The following GATD1 variants were observed in gnomAD, a reference collection of about 807,000 sequenced individuals.
GATD1 encodes the protein glutamine amidotransferase class 1 domain containing 1.
In GATD1, 23 loss-of-function variants were observed where a neutral mutation model predicts 25.9. That is an observed-to-expected ratio of 0.89 (90% CI 0.64 to 1.26). The LOEUF (loss-of-function observed/expected upper bound fraction) is 1.26, where lower values mean the gene tolerates loss of function less well. Among genes scored for constraint, GATD1 ranks in the 50% most tolerant of loss-of-function variants. The pLI is 0.00. For missense variants in GATD1, 347 were observed against 312.5 expected, an observed-to-expected ratio of 1.11 and a Z score of -0.83; for synonymous variants, 177 against 134.6, an observed-to-expected ratio of 1.31 and a Z score of -2.18.
At chr11:773,666 T>G (rs1863678579) in intron 3 of GATD1, 37 bp from the exon 4 acceptor site, 2 of 1,497,756 alleles carry the variant, frequency 1.3e-6, no homozygotes, top group Non-Finnish European at 1.8e-6. Flanking sequence ...CAGCCACATG[T>G]CAAAGTGAGA....
In GATD1 at chr11:770,734, T is replaced by G. The variant is rs956186662; in HGVS notation, c.*163A>C. On this transcript the variant is annotated 3_prime_UTR_variant, in exon 8 of 8. Coordinates refer to ENST00000319863, the MANE Select transcript of GATD1 (RefSeq NM_182612.4). ...ACCCTCCAGGAGAGCCGACACCCCC[T>G]CAGAGCTGATTCCAGGAGGCCTCCA... The G allele has an allele frequency of 6.7e-7, 1 of 1,485,682 alleles. No individual in the cohort carries two copies. The highest frequency in any genetic ancestry group is 8.9e-7 in the Non-Finnish European group (1 of 1,124,678). 92.0% of individuals were successfully genotyped at this position (1,485,682 alleles called of 1,614,324 possible).
Position 770,698 on chromosome 11 carries a change from T to C in GATD1, c.*199A>G, listed in dbSNP as rs1055949371. 4 of 1,434,372 alleles carry C rather than the reference T, an allele frequency of 2.8e-6. No individual in the cohort carries two copies. Among genetic ancestry groups the C allele is most frequent in the Admixed American group, 2.8e-5 (1 of 35,504 alleles). The allele number at this position is 1,434,372 out of a possible 1,614,324, so 88.9% of individuals were successfully genotyped here. A position where few individuals can be genotyped will look rare whatever the true frequency, so the allele number is the denominator to read the frequency against. ...TCCTACCAGAGAACATGCAGGAGGA[T>C]GGGGGTTTGGACCCTCCAGGAGAGC... On this transcript the variant is annotated 3_prime_UTR_variant, in exon 8 of 8. Coordinates refer to ENST00000319863, the MANE Select transcript of GATD1 (RefSeq NM_182612.4).
intron 2 of GATD1, among the ~76,000 whole-genome samples, chr11:774,495 C>G (rs559077319): frequency 6.6e-6 from 1 of 152,368 alleles, no homozygotes; most frequent in South Asian, 2.1e-4. Flanking sequence ...GCGCCTTGGT[C>G]TCCTCCTCAC....
rs1863236431 is a variant in GATD1, at chr11:769,328, T to C, written c.*1569A>G. 1.0e-6 allele frequency: 1 copy of C among 979,240 alleles called. No homozygotes were observed. Among genetic ancestry groups the C allele is most frequent in the South Asian group, 4.7e-5 (1 of 21,222 alleles). The allele number at this position is 979,240 out of a possible 1,614,324, so 60.7% of individuals were successfully genotyped here. On this transcript the variant is annotated 3_prime_UTR_variant, in exon 8 of 8. Transcript: ENST00000319863. ...CTTATTGAACGGCTTTATTTTATTA[T>C]TTTTTATTTTTGAGACGGAGTTTCA...
chr11:770,256 T>A lies in GATD1; in HGVS notation c.*641A>T. 1 of 1,433,246 alleles carries A rather than the reference T, an allele frequency of 7.0e-7. No individual in the cohort carries two copies. The highest frequency in any genetic ancestry group is 1.4e-5 in the African/African-American group (1 of 70,044). 88.8% of individuals were successfully genotyped at this position (1,433,246 alleles called of 1,614,324 possible). ...TCATTGAGAATCTCATGGTCTCATA[T>A]TCACAAGTAAACGTGCCTCTCAATG... On this transcript the variant is annotated 3_prime_UTR_variant, in exon 8 of 8. Coordinates refer to ENST00000319863, the MANE Select transcript of GATD1 (RefSeq NM_182612.4).
intron 2 of GATD1, among the ~76,000 whole-genome samples, chr11:774,325 CCAAAAATTTTTATACATAAT>C (rs1335104168): frequency 2.0e-5 from 3 of 152,236 alleles, no homozygotes; most frequent in African/African-American, 7.2e-5. Context: ...AACCCACCAA[CCAAAAATTTTTATACATAAT>C]AAATAAACAA....
intron 1 of GATD1, among the ~76,000 whole-genome samples, chr11:776,419 G>C (rs1027934391): frequency 6.6e-6 from 1 of 152,096 alleles, no homozygotes; most frequent in Non-Finnish European, 1.5e-5. Flanking sequence ...GCTGCCCCCA[G>C]CCTGCTGGCG....
rs779542837 is a variant in GATD1, at chr11:775,111, G to A, written c.96C>T (p.Phe32=). 6.2e-7 allele frequency: 1 copy of A among 1,605,948 alleles called. No homozygotes were observed. Among genetic ancestry groups the A allele is most frequent in the Non-Finnish European group, 8.5e-7 (1 of 1,177,304 alleles). The change falls in exon 2 of 8, where the codon TTC becomes TTT. Residue 32 remains phenylalanine, a synonymous_variant. Transcript: ENST00000319863. The part of the protein sequence containing the change: ...GVSAQSFLHC[F]TMASTAFNLQ... Reference sequence around the variant, plus strand: ...GGTTGAAGGCGGTGCTGGCCATCGTGAAACAGTGGAGGAAGGACTGGGCCG... The same window carrying A: ...GGTTGAAGGCGGTGCTGGCCATCGTAAAACAGTGGAGGAAGGACTGGGCCG...
At chr11:774,139 A>T (rs758058096) in intron 2 of GATD1, 26 bp from the exon 3 acceptor site, 1 of 1,592,724 alleles carries the variant, frequency 6.3e-7, no homozygotes, top group Non-Finnish European at 8.6e-7. Context: ...CCAGGGGCCG[A>T]GGGTCAGCAC....
chr11:770,949 G>A (rs750922814), intron 7 of GATD1, 44 bp downstream of exon 7: 3 of 1,613,590 alleles, frequency 1.9e-6, no homozygotes, highest in African/African-American at 1.3e-5. Context: ...AGCACCGGGT[G>A]CAGCTCTGAT....
At chr11:772,560 C>A in intron 4 of GATD1, 39 bp from the exon 5 acceptor site, 1 of 1,575,422 alleles carries the variant, frequency 6.3e-7, no homozygotes. Context: ...TGGACCCCGC[C>A]ACCCGCACCC....
intron 2 of GATD1, among the ~76,000 whole-genome samples, chr11:774,611 A>C (rs1400600303): frequency 6.6e-6 from 1 of 152,212 alleles, no homozygotes; most frequent in Admixed American, 6.5e-5. Context: ...CGGGTGGGTC[A>C]CCTGAGGTTG....
intron 5 of GATD1, among the ~76,000 whole-genome samples, chr11:771,727 C>T (rs1468071464): frequency 6.6e-6 from 1 of 152,062 alleles, no homozygotes; most frequent in Non-Finnish European, 1.5e-5. Flanking sequence ...GCCCCTTGGG[C>T]AGAGTGCTGG....
chr11:772,082 C>T (rs1565009446), intron 5 of GATD1, among the ~76,000 whole-genome samples: 1 of 152,164 alleles, frequency 6.6e-6, no homozygotes, highest in Non-Finnish European at 1.5e-5. Flanking sequence ...GGCTCTCAGC[C>T]CCTCCTGACT....
intron 1 of GATD1, chr11:776,921 G>A (rs1864045447): frequency 6.6e-6 from 1 of 152,630 alleles, no homozygotes; most frequent in Non-Finnish European, 1.5e-5. Context: ...GGGGCTCCGG[G>A]TCTCCTCAGA....
At position 775,108 on chromosome 11, in the gene GATD1, C is replaced by A. The variant is rs56345968; in HGVS notation, c.99G>T (p.Thr33=). The change falls in exon 2 of 8, where the codon ACG becomes ACT. Residue 33 remains threonine (T), a synonymous_variant. Transcript: ENST00000319863. Reference sequence around the variant, plus strand: ...GCAGGTTGAAGGCGGTGCTGGCCATCGTGAAACAGTGGAGGAAGGACTGGG... The same window carrying A: ...GCAGGTTGAAGGCGGTGCTGGCCATAGTGAAACAGTGGAGGAAGGACTGGG... ...VSAQSFLHCF[T]MASTAFNLQV... is the part of the protein sequence containing the mutation. 1 of 1,605,776 alleles carries A rather than the reference C, an allele frequency of 6.2e-7. No homozygotes were observed. Among genetic ancestry groups the A allele is most frequent in the South Asian group, 1.1e-5 (1 of 89,024 alleles).
Position 775,097 on chromosome 11 carries a change from G to A in GATD1, c.110C>T (p.Thr37Ile). 6.2e-7 allele frequency: 1 copy of A among 1,605,984 alleles called. No individual in the cohort carries two copies. Among genetic ancestry groups the A allele is most frequent in the Non-Finnish European group, 8.5e-7 (1 of 1,177,372 alleles). Residue 37 changes from threonine (T) to isoleucine (I), a missense_variant, in exon 2 of 8, where the codon ACC becomes ATC. Transcript: ENST00000319863. ...SFLHCFTMASTAFNLQVATPG... is the reference protein window; with the variant it reads ...SFLHCFTMASIAFNLQVATPG... Reference sequence around the variant, plus strand: ...GGTGGCCACCTGCAGGTTGAAGGCGGTGCTGGCCATCGTGAAACAGTGGAG... The same window carrying A: ...GGTGGCCACCTGCAGGTTGAAGGCGATGCTGGCCATCGTGAAACAGTGGAG...
At position 772,507 on chromosome 11, in the gene GATD1, C is replaced by A. The variant is rs113696678; in HGVS notation, c.370G>T (p.Val124Phe). The A allele has an allele frequency of 3.1e-6, 5 of 1,611,580 alleles. No homozygotes were observed. The East Asian group carries it at 1.1e-4, about 36-fold the overall frequency. Residue 124 changes from valine (V) to phenylalanine (F), a missense_variant, in exon 5 of 8, where the codon GTC (valine) becomes TTC (phenylalanine). Physicochemically the swap from Val to Phe is conservative, Grantham distance 50. Transcript: ENST00000319863. The stretch of plus-strand genomic sequence containing the variant: ...CACAGGGCGGCGACACCGTGGCCGA[C>A]GGCGCAGATGGGTTCTGAAAGCCGT... Reference protein sequence around the residue: ...FHSESKPICAVGHGVAALCCA... With the variant: ...FHSESKPICAFGHGVAALCCA...
chr11:769,358 T>C lies in GATD1; in HGVS notation c.*1539A>G, dbSNP rs1863238607. ...TATTTTTGAGACGGAGTTTCACTCA[T>C]TGCCCAGGTTGGAGTGCAATGGCGC... is the stretch of plus-strand genomic sequence containing the variant. On this transcript the variant is annotated 3_prime_UTR_variant, in exon 8 of 8. Coordinates refer to ENST00000319863, the MANE Select transcript of GATD1 (RefSeq NM_182612.4). 4.2e-6 allele frequency: 4 copies of C among 954,258 alleles called. No homozygotes were observed. The highest frequency in any genetic ancestry group is 5.0e-6 in the Non-Finnish European group (4 of 801,536). 59.1% of individuals were successfully genotyped at this position (954,258 alleles called of 1,614,324 possible).
Sources: allele counts gnomAD v4.1 joint callset (sites outside exome capture counted in the v4.1 genomes callset), GRCh38; gene constraint gnomAD v4.1.1; transcripts MANE v1.5; gene names NCBI Gene and HGNC (gene_info 2026-07-23, HGNC 2026-07-21).